The following VPS13D variants were observed in gnomAD, a reference collection of about 807,000 sequenced individuals.
The protein encoded by VPS13D is intermembrane lipid transfer protein VPS13D.
A neutral mutation model predicts 461.9 loss-of-function variants in VPS13D; 187 were observed. That is an observed-to-expected ratio of 0.40 (90% CI 0.36 to 0.46). The LOEUF is 0.46. VPS13D is among the 20% of genes least tolerant of loss of function. The pLI, the probability that VPS13D is intolerant of heterozygous loss-of-function variation, is 0.60. For synonymous variants in VPS13D, 1,951 were observed against 1,986.3 expected, an observed-to-expected ratio of 0.98 and a Z score of 0.47; for missense variants, 4,711 against 5,364.9, an observed-to-expected ratio of 0.88 and a Z score of 3.81.
At chr1:12,351,224 C>G (rs544405343) in intron 46 of VPS13D, among the ~76,000 whole-genome samples, 1 of 152,332 alleles carries the variant, frequency 6.6e-6, no homozygotes, top group South Asian at 2.1e-4. Flanking sequence ...AAACCTGATA[C>G]AGCTACTATG....
chr1:12,345,332 G>T, intron 42 of VPS13D, 42 bp from the exon 43 acceptor site: 1 of 1,579,266 alleles, frequency 6.3e-7, no homozygotes, highest in Non-Finnish European at 8.7e-7. Flanking sequence ...CATCCCTTCT[G>T]GAGATTGTGC....
At chr1:12,302,647 C>T (rs914730366) in intron 25 of VPS13D, among the ~76,000 whole-genome samples, 1 of 152,160 alleles carries the variant, frequency 6.6e-6, no homozygotes, top group Non-Finnish European at 1.5e-5. Flanking sequence ...CCTGACTATT[C>T]TGAAAAACCT....
chr1:12,284,246 G>A (rs560214144), intron 21 of VPS13D, among the ~76,000 whole-genome samples: 1 of 152,288 alleles, frequency 6.6e-6, no homozygotes, highest in East Asian at 1.9e-4. Context: ...TACCCATATA[G>A]CTATGTGACC....
chr1:12,256,328 C>A lies in VPS13D; in HGVS notation c.670-5C>A. On this transcript the variant is annotated splice_polypyrimidine_tract_variant and splice_region_variant and intron_variant, in intron 7 of 69. Coordinates refer to ENST00000620676, the MANE Select transcript of VPS13D (RefSeq NM_015378.4). ...GAGCAGAGCAGGTGTTCTTGTGACA[C>A]ACAGGAGGCCATGGCCAGGAGCATG... 6.2e-7 allele frequency: 1 copy of A among 1,612,866 alleles called. No individual in the cohort carries two copies. The highest frequency in any genetic ancestry group is 8.5e-7 in the Non-Finnish European group (1 of 1,179,692).
chr1:12,268,904 T>C (rs1641353150), intron 16 of VPS13D, 28 bp downstream of exon 16: 1 of 1,594,730 alleles, frequency 6.3e-7, no homozygotes, highest in Non-Finnish European at 8.5e-7. Context: ...TTTGATCTTA[T>C]GTTCCTTTTG....
At chr1:12,293,831 T>A in intron 24 of VPS13D, 127 bp downstream of exon 24, 3 of 939,668 alleles carry the variant, frequency 3.2e-6, no homozygotes, top group Admixed American at 3.0e-5. Flanking sequence ...CCGTGTAGAT[T>A]AGCTACAGAC....
intron 40 of VPS13D, among the ~76,000 whole-genome samples, 184 bp downstream of exon 40, chr1:12,338,489 T>C (rs1255170772): frequency 1.3e-5 from 2 of 152,172 alleles, no homozygotes; most frequent in Non-Finnish European, 1.5e-5. Context: ...CTGATTCTTA[T>C]ATTGTTTCCC....
At chr1:12,408,332 A>T (rs1644681588) in intron 63 of VPS13D, among the ~76,000 whole-genome samples, 1 of 152,084 alleles carries the variant, frequency 6.6e-6, no homozygotes, top group African/African-American at 2.4e-5. Flanking sequence ...AGAGAGAGAG[A>T]GAGGGAGAGT....
intron 39 of VPS13D, chr1:12,337,528 C>G (rs1473372157): frequency 6.6e-6 from 1 of 152,162 alleles, no homozygotes; most frequent in African/African-American, 2.4e-5. Flanking sequence ...CTCACTGTTT[C>G]TTTATCAGGG....
intron 65 of VPS13D, among the ~76,000 whole-genome samples, chr1:12,419,186 T>C (rs1644831505): frequency 6.6e-6 from 1 of 152,214 alleles, no homozygotes; most frequent in Non-Finnish European, 1.5e-5. Context: ...TTTGATTTGG[T>C]ATCATGCTTT....
chr1:12,260,008 T>G (rs1046262712), intron 10 of VPS13D, among the ~76,000 whole-genome samples: 2 of 149,088 alleles, frequency 1.3e-5, no homozygotes, highest in Admixed American at 6.9e-5. Context: ...TCCATATGCT[T>G]TAGTGACTTT....
intron 60 of VPS13D, among the ~76,000 whole-genome samples, chr1:12,390,044 A>G (rs1237324323): frequency 6.6e-6 from 1 of 152,216 alleles, no homozygotes; most frequent in African/African-American, 2.4e-5. Context: ...TCCAGGTGGT[A>G]ATCTTAACTT....
At chr1:12,499,937 T>A (rs914467360) in intron 68 of VPS13D, 16 of 985,320 alleles carry the variant, frequency 1.6e-5, no homozygotes, top group African/African-American at 1.7e-5. Flanking sequence ...ATTAAAAACA[T>A]GTTTAAAGAC....
intron 14 of VPS13D, 39 bp downstream of exon 14, chr1:12,267,050 T>C (rs1039002731): frequency 1.3e-6 from 2 of 1,482,580 alleles, no homozygotes; most frequent in Middle Eastern, 1.8e-4. Context: ...ATCTAAGGTG[T>C]TGGTAAATTG....
In VPS13D at chr1:12,304,493, T is replaced by C; in HGVS notation, c.6217-13T>C. ...CATTTCCTGCATTCTAGTTTTATTT[T>C]GTTCCTTCCCAGGAATCTGTGCCTT... On this transcript the variant is annotated splice_polypyrimidine_tract_variant and intron_variant, in intron 25 of 69. Coordinates refer to ENST00000620676, the MANE Select transcript of VPS13D (RefSeq NM_015378.4). The C allele has an allele frequency of 2.5e-6, 4 of 1,606,068 alleles. No individual in the cohort carries two copies. Among genetic ancestry groups the C allele is most frequent in the Non-Finnish European group, 3.4e-6 (4 of 1,176,006 alleles).
intron 63 of VPS13D, among the ~76,000 whole-genome samples, chr1:12,404,887 G>C (rs1644630400): frequency 6.6e-6 from 1 of 152,146 alleles, no homozygotes. Flanking sequence ...GGACCCATTG[G>C]TTCTGGTTTT....
chr1:12,496,131 TC>T (rs1363887832), intron 67 of VPS13D, among the ~76,000 whole-genome samples: 1 of 152,214 alleles, frequency 6.6e-6, no homozygotes, highest in Non-Finnish European at 1.5e-5. Context: ...TTTTACTCTT[TC>T]CCTTAGTGCA....
intron 65 of VPS13D, among the ~76,000 whole-genome samples, chr1:12,433,949 A>AGAGAGAGAGAGAGTGTGT (rs1553121770): frequency 4.1e-5 from 6 of 144,928 alleles, no homozygotes; most frequent in African/African-American, 1.5e-4. Context: ...AGAGAGAGAG[A>AGAGAGAGAGAGAGTGTGT]GTGTGTGTGT....
intron 24 of VPS13D, among the ~76,000 whole-genome samples, chr1:12,295,222 C>CAAAAA (rs112447551): frequency 2.7e-5 from 2 of 72,944 alleles, no homozygotes; most frequent in African/African-American, 4.2e-5. Flanking sequence ...CACCATGACT[C>CAAAAA]AAAAAAAAAA....
Sources: allele counts gnomAD v4.1 joint callset (sites outside exome capture counted in the v4.1 genomes callset), GRCh38; gene constraint gnomAD v4.1.1; transcripts MANE v1.5; gene names NCBI Gene and HGNC (gene_info 2026-07-23, HGNC 2026-07-21).